Variants in CELSR1 observed in about 807,000 individuals in gnomAD.
CELSR1 encodes the protein cadherin EGF LAG seven-pass G-type receptor 1, also known as adhesion G protein-coupled receptor C1.
A neutral mutation model predicts 249.1 loss-of-function variants in CELSR1; 110 were observed. The ratio of observed to expected loss-of-function variants is 0.44; its 90% confidence interval spans 0.38 to 0.52. The LOEUF (loss-of-function observed/expected upper bound fraction) is 0.52. Ranked by LOEUF, CELSR1 falls within the 20% of genes least tolerant of loss-of-function variation. The probability of loss-of-function intolerance (pLI) is 0.00; values close to 1 mark genes in which losing one functional copy is unlikely to be tolerated. For missense variants in CELSR1, 4,109 were observed against 4,296.4 expected (o/e 0.96, Z 1.22); for synonymous variants, 2,113 against 1,900.0 (o/e 1.11, Z -2.92).
chr22:46,443,659 TCA>T (rs3056344), intron 2 of CELSR1, among the ~76,000 whole-genome samples: 64,392 of 151,648 alleles, frequency 0.42, 13,971 homozygotes, highest in African/African-American at 0.49. Context: ...ATACACCTGT[TCA>T]CACACACACA....
At chr22:46,505,821 T>C (rs1334180965) in intron 1 of CELSR1, among the ~76,000 whole-genome samples, 1 of 152,198 alleles carries the variant, frequency 6.6e-6, no homozygotes, top group Non-Finnish European at 1.5e-5. Context: ...ACTTTTTTTA[T>C]TAATGAGATT....
Position 46,401,526 on chromosome 22 carries a change from C to T in CELSR1, c.5227-1624G>A, listed in dbSNP as rs573624498. 1.4e-4 allele frequency among the ~76,000 whole-genome samples: 22 copies of T among 152,278 alleles called. No individual in the cohort carries two copies. Among genetic ancestry groups the T allele is most frequent in the African/African-American group, 4.3e-4 (18 of 41,564 alleles). Reference sequence around the variant, plus strand: ...TCTGGAAGACACAGTGGAGGCTGAGCGTGCAGTCAGGTCACGGCTGCCAGG... The same window carrying T: ...TCTGGAAGACACAGTGGAGGCTGAGTGTGCAGTCAGGTCACGGCTGCCAGG... On this transcript the variant is annotated intron_variant, in intron 9 of 34. Transcript: ENST00000674500. This position sits in a 1 kb window ranked among gnomAD's most constrained non-coding sequence, Gnocchi z 4.7.
In CELSR1 at chr22:46,366,486, G is replaced by A. The variant is rs1374170406; in HGVS notation, c.8206-6C>T. ...GTGTTGCAGTTGAGGGAGCGCTGAA[G>A]GGAGGGGAGGGGCTGGTCACTGCCA... On this transcript the variant is annotated splice_polypyrimidine_tract_variant and splice_region_variant and intron_variant, in intron 29 of 34. Transcript: ENST00000674500. 4.5e-6 allele frequency: 7 copies of A among 1,548,516 alleles called. No individual in the cohort carries two copies. The South Asian group carries it at 8.3e-5, about 18-fold the overall frequency.
rs2080853114 is a variant in CELSR1, at chr22:46,536,179, G to A, written c.992C>T (p.Pro331Leu). 5 of 1,612,816 alleles carry A rather than the reference G, an allele frequency of 3.1e-6. No homozygotes were observed. The highest frequency in any genetic ancestry group is 4.2e-6 in the Non-Finnish European group (5 of 1,180,006). The change falls in exon 1 of 35, where the codon CCG becomes CTG. Residue 331 changes from proline (P) to leucine (L), a missense_variant. This residue lies in a region of CELSR1 where 673 missense variants were observed against 636.8 expected (regional missense o/e 1.06). Transcript: ENST00000674500. ...GATGTAGGTGGTGGCCGAGCGCGGC[G>A]GCGTACTGTAGTCCACGGCTTTCAC... is the stretch of plus-strand genomic sequence containing the variant. The part of the protein sequence containing the change: ...LRVKAVDYST[P>L]PRSATTYITV...
At chr22:46,502,364 G>A (rs1051931500) in intron 1 of CELSR1, among the ~76,000 whole-genome samples, 5 of 131,926 alleles carry the variant, frequency 3.8e-5, no homozygotes, top group Non-Finnish European at 8.1e-5. Flanking sequence ...GGGAAAGTTG[G>A]AGGAAAGGGG....
intron 9 of CELSR1, among the ~76,000 whole-genome samples, chr22:46,405,694 G>A (rs1291718484): frequency 6.6e-6 from 1 of 152,104 alleles, no homozygotes; most frequent in African/African-American, 2.4e-5. Flanking sequence ...TGGATTTTGG[G>A]TGCCCGAGAG....
Position 46,448,197 on chromosome 22 carries a change from G to A in CELSR1, c.4184-8786C>T, listed in dbSNP as rs1003147939. 2.6e-5 allele frequency among the ~76,000 whole-genome samples: 4 copies of A among 152,226 alleles called. No homozygotes were observed. The highest frequency in any genetic ancestry group is 4.4e-5 in the Non-Finnish European group (3 of 68,032). On this transcript the variant is annotated intron_variant, in intron 2 of 34. Coordinates refer to ENST00000674500, the MANE Select transcript of CELSR1 (RefSeq NM_001378328.1). The surrounding 1 kb of genome is among the most constrained non-coding windows in gnomAD (Gnocchi z 5.7). The stretch of plus-strand genomic sequence containing the variant: ...GGTGTGCTCCTGGTCTGTGAACAAG[G>A]AAGGGGGTGCCCAGAGGGTCTCCAC...
Position 46,374,822 on chromosome 22 carries a change from G to A in CELSR1, c.7585-1765C>T, listed in dbSNP as rs2078900435. Among the ~76,000 whole-genome samples, 1 of 152,166 alleles carries A rather than the reference G, an allele frequency of 6.6e-6. No individual in the cohort carries two copies. Among genetic ancestry groups the A allele is most frequent in the Non-Finnish European group, 1.5e-5 (1 of 68,040 alleles). ...CATTGCGGGGATGCGCCCGGCTGCG[G>A]ATGTGAAGAAACCCCTCCGCAGGAG... is the stretch of plus-strand genomic sequence containing the variant. On this transcript the variant is annotated intron_variant, in intron 24 of 34. Transcript: ENST00000674500. This position sits in a 1 kb window ranked among gnomAD's most constrained non-coding sequence, Gnocchi z 4.3.
chr22:46,515,359 G>T (rs1404723468), intron 1 of CELSR1, among the ~76,000 whole-genome samples: 2 of 152,256 alleles, frequency 1.3e-5, no homozygotes, highest in East Asian at 3.8e-4. Context: ...TAGCTTGTGA[G>T]TGGATGCTCC....
chr22:46,495,054 A>C (rs2080400398), intron 1 of CELSR1, among the ~76,000 whole-genome samples: 1 of 152,190 alleles, frequency 6.6e-6, no homozygotes, highest in Admixed American at 6.5e-5. Flanking sequence ...CCTTAGACAA[A>C]CCTAGCTAGA....
rs999499076 is a variant in CELSR1 at position 46,377,328 on chromosome 22, A to C, written c.7384-67T>G. On this transcript the variant is annotated intron_variant, in intron 23 of 34. Coordinates refer to ENST00000674500, the MANE Select transcript of CELSR1 (RefSeq NM_001378328.1). ...CGAGGCTCAGATCTGGTCATTGCAT[A>C]ACAGAGATAAATTACACACTTGCTT... 4.7e-6 allele frequency: 7 copies of C among 1,497,400 alleles called. No individual in the cohort carries two copies. In the East Asian group the frequency reaches 1.2e-4, roughly 25 times the overall value. 92.8% of individuals were successfully genotyped at this position (1,497,400 alleles called of 1,614,324 possible).
Position 46,448,498 on chromosome 22 carries a change from G to T in CELSR1, c.4184-9087C>A. On this transcript the variant is annotated intron_variant, in intron 2 of 34. Transcript: ENST00000674500. This position sits in a 1 kb window ranked among gnomAD's most constrained non-coding sequence, Gnocchi z 5.7. Reference sequence around the variant, plus strand: ...GGGAACGTGCCCCAGGAGGGGAAGGGCGTGTAAAGATTGACCACTTAAGTT... The same window carrying T: ...GGGAACGTGCCCCAGGAGGGGAAGGTCGTGTAAAGATTGACCACTTAAGTT... 1 of 414,222 alleles carries T rather than the reference G, an allele frequency of 2.4e-6. No individual in the cohort carries two copies. Among genetic ancestry groups the T allele is most frequent in the Non-Finnish European group, 4.8e-6 (1 of 210,502 alleles). 25.7% of individuals were successfully genotyped at this position (414,222 alleles called of 1,614,324 possible). A position where few individuals can be genotyped will look rare whatever the true frequency, so the allele number is the denominator to read the frequency against.
chr22:46,523,248 G>T (rs1254931104), intron 1 of CELSR1, among the ~76,000 whole-genome samples: 1 of 152,176 alleles, frequency 6.6e-6, no homozygotes, highest in East Asian at 1.9e-4. Context: ...AAAAATCTTA[G>T]CCTGGTGCAG....
In CELSR1 at chr22:46,365,583, T is replaced by C; in HGVS notation, c.8404+3A>G. ...GGGTCCTCCCCCTCCAGGGAAGCCA[T>C]ACCAGGGGGATCCTTGCAGCTCCTG... On this transcript the variant is annotated splice_donor_region_variant and intron_variant, in intron 31 of 34. Transcript: ENST00000674500. 1 of 1,585,330 alleles carries C rather than the reference T, an allele frequency of 6.3e-7. No individual in the cohort carries two copies.
chr22:46,519,667 T>C (rs1569215419), intron 1 of CELSR1, among the ~76,000 whole-genome samples: 1 of 152,130 alleles, frequency 6.6e-6, no homozygotes, highest in Non-Finnish European at 1.5e-5. Flanking sequence ...GCCCCTGAGA[T>C]GCAAGGTCCC....
intron 1 of CELSR1, among the ~76,000 whole-genome samples, chr22:46,480,732 G>A (rs1187921396): frequency 6.6e-6 from 1 of 152,170 alleles, no homozygotes; most frequent in Non-Finnish European, 1.5e-5. Flanking sequence ...GCTTGTTACA[G>A]GGGAGATCCT....
rs1038099478 is a variant in CELSR1, at chr22:46,512,078, C to G, written c.3544+21549G>C. Among the ~76,000 whole-genome samples the G allele has an allele frequency of 6.6e-6, 1 of 152,124 alleles. No individual in the cohort carries two copies. Among genetic ancestry groups the G allele is most frequent in the African/African-American group, 2.4e-5 (1 of 41,402 alleles). On this transcript the variant is annotated intron_variant, in intron 1 of 34. Coordinates refer to ENST00000674500, the MANE Select transcript of CELSR1 (RefSeq NM_001378328.1). This position sits in a 1 kb window ranked among gnomAD's most constrained non-coding sequence, Gnocchi z 5.2. ...GTCCTGAAGTGCCCCGAGCCCACCC[C>G]CAGATCCCAGCCCAGTGGCCCCCAC...
In CELSR1 at chr22:46,389,420, G is replaced by C; in HGVS notation, c.6425C>G (p.Thr2142Arg). 1 of 1,612,804 alleles carries C rather than the reference G, an allele frequency of 6.2e-7. No homozygotes were observed. Among genetic ancestry groups the C allele is most frequent in the Non-Finnish European group, 8.5e-7 (1 of 1,179,984 alleles). The stretch of plus-strand genomic sequence containing the variant: ...GCCAAAGAGCGTGCCCGTGTGCTGT[G>C]TAGCACTGCGCAGCGCCCTCACCAG... ...LQLVRALRSA[T>R]QHTGTLFGND... Residue 2142 changes from threonine (T) to arginine (R), a missense_variant, in exon 18 of 35, where the codon ACA becomes AGA. By Grantham distance (71) the Thr-to-Arg change is moderately conservative (BLOSUM62 -1). This residue lies in a region of CELSR1 where 1,805 missense variants were observed against 1,831.6 expected (regional missense o/e 0.99). Coordinates refer to ENST00000674500, the MANE Select transcript of CELSR1 (RefSeq NM_001378328.1).
At chr22:46,474,628 A>G (rs1268811500) in intron 1 of CELSR1, among the ~76,000 whole-genome samples, 1 of 152,146 alleles carries the variant, frequency 6.6e-6, no homozygotes, top group Non-Finnish European at 1.5e-5. Flanking sequence ...ATACAATACA[A>G]TATTATTAAC....
Sources: allele counts gnomAD v4.1 joint callset (sites outside exome capture counted in the v4.1 genomes callset), GRCh38; gene constraint gnomAD v4.1.1; regional missense constraint gnomAD v4.1.1; non-coding constraint Gnocchi (gnomAD v3.1); transcripts MANE v1.5; gene names NCBI Gene and HGNC (gene_info 2026-07-23, HGNC 2026-07-21).